The following CLIC5 variants were observed in gnomAD, a reference collection of about 807,000 sequenced individuals.
CLIC5 encodes the protein CLIC family member 5.
Under a neutral mutation model 24.7 loss-of-function variants are expected in CLIC5, and 20 were observed. That is an observed-to-expected ratio of 0.81 (90% CI 0.57 to 1.18). CLIC5 has a LOEUF of 1.18. Ranked by LOEUF, CLIC5 falls within the 50% of genes most tolerant of loss-of-function variation. The pLI is 0.00. For synonymous variants in CLIC5, 159 were observed against 135.6 expected, an observed-to-expected ratio of 1.17 and a Z score of -1.20; for missense variants, 341 against 326.1, an observed-to-expected ratio of 1.05 and a Z score of -0.35.
chr6:46,063,002 G>A (rs1762331770), intron 1 of CLIC5, among the ~76,000 whole-genome samples: 1 of 152,078 alleles, frequency 6.6e-6, no homozygotes, highest in Non-Finnish European at 1.5e-5. Context: ...GCTGCCTTTT[G>A]CAAAGTCTTT....
At chr6:46,120,767 G>A in the CLIC5 span, among the ~76,000 whole-genome samples, 4 of 152,146 alleles carry the variant, frequency 2.6e-5, no homozygotes, top group African/African-American at 7.2e-5. Context: ...ACCATGGCAC[G>A]AGAACTACAT....
At chr6:45,936,169 G>A (rs527756641) in intron 4 of CLIC5, among the ~76,000 whole-genome samples, 6 of 149,100 alleles carry the variant, frequency 4.0e-5, no homozygotes, top group African/African-American at 1.5e-4. Context: ...TTGTCTACCC[G>A]AGATAACTGC....
At chr6:45,909,807 A>G (rs1415501567) in intron 5 of CLIC5, among the ~76,000 whole-genome samples, 2 of 152,126 alleles carry the variant, frequency 1.3e-5, no homozygotes, top group Non-Finnish European at 2.9e-5. Flanking sequence ...GATTTCTTGT[A>G]TCTGTATATC....
intron 1 of CLIC5, among the ~76,000 whole-genome samples, chr6:45,990,591 C>T (rs1041568482): frequency 1.3e-5 from 2 of 152,228 alleles, no homozygotes; most frequent in African/African-American, 4.8e-5. Context: ...AACATTCACA[C>T]TGCAGTTTCT....
At chr6:46,117,811 A>AT in the CLIC5 span, among the ~76,000 whole-genome samples, 14 of 48,700 alleles carry the variant, frequency 2.9e-4, no homozygotes, top group African/African-American at 5.2e-4. Flanking sequence ...TCTAAAATAG[A>AT]TTTTTTTTCA....
intron 1 of CLIC5, among the ~76,000 whole-genome samples, chr6:45,976,233 A>G (rs141122783): frequency 0.016 from 2,441 of 152,322 alleles, 81 homozygotes; most frequent in African/African-American, 0.056. Context: ...AGGAGACTCA[A>G]CAATATGTTT....
At chr6:45,897,107 T>C (rs1214047142), downstream of CLIC5, among the ~76,000 whole-genome samples, 1 of 152,172 alleles carries the variant, frequency 6.6e-6, no homozygotes, top group East Asian at 1.9e-4. Flanking sequence ...TGTCTCTGTC[T>C]CTTGCTGCGT....
At chr6:45,881,969 A>C (rs1762266532) in intron 6 of CLIC5, among the ~76,000 whole-genome samples, 1 of 60,920 alleles carries the variant, frequency 1.6e-5, no homozygotes, top group Admixed American at 2.4e-4. Context: ...CAGAGAAAGA[A>C]GACTTCCTTT....
At chr6:45,985,579 T>G (rs895443646) in intron 1 of CLIC5, among the ~76,000 whole-genome samples, 1 of 151,994 alleles carries the variant, frequency 6.6e-6, no homozygotes, top group Non-Finnish European at 1.5e-5. Context: ...CCACTCTGCT[T>G]GGGGCCTGGA....
upstream of CLIC5, among the ~76,000 whole-genome samples, chr6:46,019,083 A>G (rs528156979): frequency 1.3e-3 from 124 of 95,436 alleles, 2 homozygotes; most frequent in South Asian, 0.023. Context: ...AAAGTATAGT[A>G]AAAAAAAAAA....
In CLIC5 at chr6:45,902,281, T is replaced by A. The variant is rs1488963830; in HGVS notation, c.*807A>T. On this transcript the variant is annotated 3_prime_UTR_variant, in exon 6 of 6. Transcript: ENST00000339561. ...TAATCACCTCTGAAACAACTACTCC[T>A]AAGCAAGCAAACCCCATGGCTGGTA... is the stretch of plus-strand genomic sequence containing the variant. 2.0e-5 allele frequency: 3 copies of A among 152,910 alleles called. No homozygotes were observed. The South Asian group carries it at 6.2e-4, about 32-fold the overall frequency. 9.5% of individuals were successfully genotyped at this position (152,910 alleles called of 1,614,324 possible).
At chr6:46,009,235 CT>C (rs1159610988) in intron 1 of CLIC5, among the ~76,000 whole-genome samples, 1 of 151,858 alleles carries the variant, frequency 6.6e-6, no homozygotes, top group Non-Finnish European at 1.5e-5. Flanking sequence ...AAGTTAACAA[CT>C]CCATTTCTTT....
intron 1 of CLIC5, among the ~76,000 whole-genome samples, chr6:46,074,562 C>G (rs748960901): frequency 6.6e-6 from 1 of 152,190 alleles, no homozygotes; most frequent in African/African-American, 2.4e-5. Context: ...CAGTGCACAA[C>G]CTGTGCATCC....
chr6:45,887,194 C>T (rs976717168), intron 6 of CLIC5, among the ~76,000 whole-genome samples: 11 of 152,286 alleles, frequency 7.2e-5, no homozygotes, highest in Non-Finnish European at 1.6e-4. Context: ...GTAACAAGTA[C>T]CACAATCTGA....
chr6:46,022,205 T>C (rs1453027541), intron 1 of CLIC5, among the ~76,000 whole-genome samples: 1 of 152,216 alleles, frequency 6.6e-6, no homozygotes, highest in South Asian at 2.1e-4. Flanking sequence ...AAATGACATG[T>C]ACTGTAAAAT....
At chr6:45,988,117 C>T (rs564186971) in intron 1 of CLIC5, among the ~76,000 whole-genome samples, 32 of 152,246 alleles carry the variant, frequency 2.1e-4, no homozygotes, top group African/African-American at 5.3e-4. Context: ...AAAATTCCTT[C>T]GCAGCTGTGA....
rs1438860519 is a variant in CLIC5 at position 46,022,073 on chromosome 6, TTTCTA to T, written c.540+57625_540+57629del. Among the ~76,000 whole-genome samples, 3 of 152,354 alleles carry T rather than the reference TTTCTA, an allele frequency of 2.0e-5. No individual in the cohort carries two copies. The East Asian group carries it at 5.8e-4, about 29-fold the overall frequency. On this transcript the variant is annotated intron_variant, in intron 1 of 5. Coordinates refer to the CLIC5 transcript ENST00000185206. ...ATTAATTTCAGAAATGTAAAAGAGA[TTTCTA>T]TTTTATGAGATGCAGTGCTTCTAAT...
intron 1 of CLIC5, among the ~76,000 whole-genome samples, chr6:45,980,087 G>T (rs556608215): frequency 2.7e-4 from 41 of 151,310 alleles, no homozygotes; most frequent in Non-Finnish European, 4.1e-4. Flanking sequence ...TGTGGTGAAA[G>T]GTAGGGGTTG....
chr6:46,023,583 A>T (rs1767246038), intron 1 of CLIC5, among the ~76,000 whole-genome samples: 1 of 152,276 alleles, frequency 6.6e-6, no homozygotes. Context: ...TTAAACTAAG[A>T]CACACCCAGA....
Sources: gnomAD v4.1 joint callset for allele counts (sites outside exome capture counted in the v4.1 genomes callset) on GRCh38, gnomAD v4.1.1 for gene constraint, MANE v1.5 for transcripts, NCBI Gene and HGNC (gene_info 2026-07-23, HGNC 2026-07-21) for gene names.